CCDC61: variants seen among roughly 807,000 people sequenced by gnomAD.
CCDC61 encodes the protein centrosomal protein CCDC61.
Under a neutral mutation model 63.0 loss-of-function variants are expected in CCDC61, and 55 were observed. The observed-to-expected ratio is 0.87, with a 90% confidence interval of 0.70 to 1.09. The LOEUF (loss-of-function observed/expected upper bound fraction) is 1.09, where lower values mean the gene tolerates loss of function less well. Among genes scored for constraint, CCDC61 ranks in the 50% least tolerant of loss-of-function variants. The pLI is 0.00. For missense variants in CCDC61, 651 were observed against 731.4 expected (o/e 0.89, Z 1.27); for synonymous variants, 270 against 317.0 (o/e 0.85, Z 1.58).
Position 46,015,519 on chromosome 19 carries a change from GC to G in CCDC61, c.845+94del, listed in dbSNP as rs1349360033. 299 of 190,886 alleles carry G rather than the reference GC, an allele frequency of 1.6e-3. 3 individuals carry two copies. Among genetic ancestry groups the G allele is most frequent in the African/African-American group, 7.5e-3 (269 of 35,898 alleles). The allele number at this position is 190,886 out of a possible 1,614,324, so 11.8% of individuals were successfully genotyped here. A position where few individuals can be genotyped will look rare whatever the true frequency, so the allele number is the denominator to read the frequency against. ...GCGGAGCCTAAGGGGGCGGGGCGGGGCCAGGTAGGGTGGAGGGGGCGGGGCT... is the reference window on the plus strand; with the variant it reads ...GCGGAGCCTAAGGGGGCGGGGCGGGGCAGGTAGGGTGGAGGGGGCGGGGCT... On this transcript the variant is annotated intron_variant, in intron 7 of 13. Coordinates refer to ENST00000595358, the MANE Select transcript of CCDC61 (RefSeq NM_001267723.2). The surrounding 1 kb of genome is among the most constrained non-coding windows in gnomAD (Gnocchi z 5.3).
Position 46,016,049 on chromosome 19 carries a change from C to G in CCDC61, c.846-5C>G. ...GGAAGCTGACAGCTGCCTCTGTGGT[C>G]TCAGGAGGCGGACTCCGCCGGTGCA... On this transcript the variant is annotated splice_region_variant and splice_polypyrimidine_tract_variant and intron_variant, in intron 7 of 13. Transcript: ENST00000595358. This position sits in a 1 kb window ranked among gnomAD's most constrained non-coding sequence, Gnocchi z 7.2. 3 of 1,235,672 alleles carry G rather than the reference C, an allele frequency of 2.4e-6. No individual in the cohort carries two copies. Among genetic ancestry groups the G allele is most frequent in the Non-Finnish European group, 3.0e-6 (3 of 991,192 alleles). The allele number at this position is 1,235,672 out of a possible 1,614,324, so 76.5% of individuals were successfully genotyped here.
chr19:46,009,533 G>A (rs755339708), intron 5 of CCDC61, among the ~76,000 whole-genome samples: 2 of 152,178 alleles, frequency 1.3e-5, no homozygotes, highest in Non-Finnish European at 2.9e-5. Flanking sequence ...GGAACTTGGC[G>A]CAGGTCACAC....
rs1182632809 is a variant in CCDC61, at chr19:46,015,078, AGCTGGAGGCGCAGCTGG to A, written c.584_600del (p.Leu195ProfsTer202). On this transcript the variant is annotated frameshift_variant, in exon 6 of 14. Coordinates refer to ENST00000595358, the MANE Select transcript of CCDC61 (RefSeq NM_001267723.2). LOFTEE classifies it high-confidence loss of function. The surrounding 1 kb of genome is among the most constrained non-coding windows in gnomAD (Gnocchi z 5.3). ...TCGCGCCTGGCGTCCGAGAAGCGGG[AGCTGGAGGCGCAGCTGG>A]GCCGATCGCGCGAGGAGGCGCTGGC... is the stretch of plus-strand genomic sequence containing the variant. The A allele has an allele frequency of 3.5e-5, 51 of 1,466,278 alleles. No individual in the cohort carries two copies. Among genetic ancestry groups the A allele is most frequent in the Non-Finnish European group, 4.5e-5 (50 of 1,112,688 alleles). The allele number at this position is 1,466,278 out of a possible 1,614,324, so 90.8% of individuals were successfully genotyped here.
intron 1 of CCDC61, among the ~76,000 whole-genome samples, chr19:45,997,337 A>G (rs1361085893): frequency 6.6e-6 from 1 of 152,158 alleles, no homozygotes; most frequent in Admixed American, 6.6e-5. Flanking sequence ...CTGTCACTGT[A>G]TGGCCCTTCA....
At position 46,008,228 on chromosome 19, in the gene CCDC61, G is replaced by A. The variant is rs1180480844; in HGVS notation, c.478G>A (p.Gly160Ser). ...CATCCGGTCACTGAAGGAGGAACTG[G>A]GCCGCCTGCAAGGGCTGGATGGCCA... ...GIIRSLKEEL[G>S]RLQGLDGQNT... The change falls in exon 5 of 14, where the codon GGC becomes AGC. Residue 160 changes from glycine (G) to serine (S), a missense_variant. By Grantham distance (56) the Gly-to-Ser change is moderately conservative. Transcript: ENST00000595358. 3 of 1,613,162 alleles carry A rather than the reference G, an allele frequency of 1.9e-6. No homozygotes were observed. Among genetic ancestry groups the A allele is most frequent in the Non-Finnish European group, 1.7e-6 (2 of 1,179,642 alleles).
intron 1 of CCDC61, among the ~76,000 whole-genome samples, chr19:45,998,727 C>T (rs1321913163): frequency 6.6e-6 from 1 of 152,210 alleles, no homozygotes; most frequent in Admixed American, 6.5e-5. Context: ...GTGCCAGCCA[C>T]TGTTTGAAGC....
intron 5 of CCDC61, among the ~76,000 whole-genome samples, chr19:46,009,827 T>C (rs1981771): frequency 0.27 from 40,847 of 151,662 alleles, 5,754 homozygotes; most frequent in African/African-American, 0.33. Flanking sequence ...TGTGTGTGTG[T>C]GTGTGTGTGT....
Position 46,003,595 on chromosome 19 carries a change from T to C in CCDC61, c.231+94T>C, listed in dbSNP as rs907792337. 4.9e-5 allele frequency: 37 copies of C among 760,798 alleles called. 1 individual carries two copies. The highest frequency in any genetic ancestry group is 6.7e-5 in the Non-Finnish European group (31 of 463,584). The allele number at this position is 760,798 out of a possible 1,614,324, so 47.1% of individuals were successfully genotyped here. A position where few individuals can be genotyped will look rare whatever the true frequency, so the allele number is the denominator to read the frequency against. ...CCCATCTGATGTATGTAAGACCCTC[T>C]ACCTTCTCTTTCATTGTGGGAAGAG... On this transcript the variant is annotated intron_variant, in intron 3 of 13. Coordinates refer to ENST00000595358, the MANE Select transcript of CCDC61 (RefSeq NM_001267723.2).
At chr19:46,002,982 G>C in intron 1 of CCDC61, 26 bp from the exon 2 acceptor site, 1 of 1,551,750 alleles carries the variant, frequency 6.4e-7, no homozygotes, top group Non-Finnish European at 8.7e-7. Context: ...AGCTCCTCTA[G>C]GTTTCTCTCT....
At position 46,003,563 on chromosome 19, in the gene CCDC61, G is replaced by T. The variant is rs531329054; in HGVS notation, c.231+62G>T. ...GTTCTGTCTTCCAGGTTCCAGGGGG[G>T]TTGATGCCCATCTGATGTATGTAAG... On this transcript the variant is annotated intron_variant, in intron 3 of 13. Coordinates refer to ENST00000595358, the MANE Select transcript of CCDC61 (RefSeq NM_001267723.2). 5 of 1,199,190 alleles carry T rather than the reference G, an allele frequency of 4.2e-6. No homozygotes were observed. In the South Asian group the frequency reaches 5.1e-5, roughly 12 times the overall value. The allele number at this position is 1,199,190 out of a possible 1,614,324, so 74.3% of individuals were successfully genotyped here. A position where few individuals can be genotyped will look rare whatever the true frequency, so the allele number is the denominator to read the frequency against.
chr19:46,000,016 G>C (rs1968561117), intron 1 of CCDC61: 1 of 985,212 alleles, frequency 1.0e-6, no homozygotes, highest in Non-Finnish European at 1.2e-6. Context: ...CAGCCACCAG[G>C]ATGAGCCACT....
At chr19:46,017,982 C>A in intron 12 of CCDC61, 96 bp from the exon 13 acceptor site, 1 of 1,137,282 alleles carries the variant, frequency 8.8e-7, no homozygotes, top group South Asian at 1.6e-5. Flanking sequence ...CTTATTTTTC[C>A]CCAAGGTCCT....
At chr19:46,008,689 A>G (rs978083000) in intron 5 of CCDC61, among the ~76,000 whole-genome samples, 4 of 152,166 alleles carry the variant, frequency 2.6e-5, no homozygotes, top group East Asian at 1.9e-4. Context: ...GATTACAGGC[A>G]TGAGCCACTG....
chr19:46,003,390 C>T, intron 2 of CCDC61, 29 bp from the exon 3 acceptor site: 1 of 1,603,496 alleles, frequency 6.2e-7, no homozygotes, highest in Non-Finnish European at 8.5e-7. Flanking sequence ...AGCGGTCAGA[C>T]CTCAGGAGAG....
At chr19:46,000,145 A>G (rs2146452883) in intron 1 of CCDC61, 1 of 779,168 alleles carries the variant, frequency 1.3e-6, no homozygotes, top group Non-Finnish European at 1.5e-6. Flanking sequence ...GGGTCAGTGG[A>G]GAGGAGGGGT....
chr19:45,996,716 C>T (rs1968499610), intron 1 of CCDC61, among the ~76,000 whole-genome samples: 1 of 152,144 alleles, frequency 6.6e-6, no homozygotes, highest in Non-Finnish European at 1.5e-5. Flanking sequence ...GAGTCTTCTT[C>T]ACTTCTCCCT....
chr19:46,011,627 A>G (rs755975468), intron 5 of CCDC61, among the ~76,000 whole-genome samples: 88 of 152,318 alleles, frequency 5.8e-4, no homozygotes, highest in Middle Eastern at 3.4e-3. Context: ...GGTTTTGGCA[A>G]GATGCCTCCT....
chr19:46,011,682 C>T (rs1160371926), intron 5 of CCDC61, among the ~76,000 whole-genome samples: 6 of 152,198 alleles, frequency 3.9e-5, no homozygotes, highest in Non-Finnish European at 2.9e-5. Context: ...AGAGCTGGCT[C>T]CCTCTTTTAT....
In CCDC61 at chr19:46,016,691, C is replaced by G. The variant is rs370235806; in HGVS notation, c.1092-3C>G. 4 of 1,611,948 alleles carry G rather than the reference C, an allele frequency of 2.5e-6. No individual in the cohort carries two copies. The highest frequency in any genetic ancestry group is 3.4e-6 in the Non-Finnish European group (4 of 1,179,350). On this transcript the variant is annotated splice_polypyrimidine_tract_variant and splice_region_variant and intron_variant, in intron 9 of 13. Transcript: ENST00000595358. The surrounding 1 kb of genome is among the most constrained non-coding windows in gnomAD (Gnocchi z 7.2). ...GACCGGCGTCTCCTTTCTTTTTTCC[C>G]AGGCAGCAGCAGCGGAACCGCTTAG...
Sources: gnomAD v4.1 joint callset for allele counts (sites outside exome capture counted in the v4.1 genomes callset) on GRCh38, gnomAD v4.1.1 for gene constraint, Gnocchi (gnomAD v3.1) non-coding constraint, MANE v1.5 for transcripts, NCBI Gene and HGNC (gene_info 2026-07-23, HGNC 2026-07-21) for gene names.